Variants in CFAP46 observed in about 807,000 individuals in gnomAD.
CFAP46 encodes cilia- and flagella-associated protein 46.
A neutral mutation model predicts 325.7 loss-of-function variants in CFAP46; 245 were observed. The ratio of observed to expected loss-of-function variants is 0.75; its 90% CI spans 0.68 to 0.84. The LOEUF (loss-of-function observed/expected upper bound fraction) is 0.84, where lower values mean the gene tolerates loss of function less well. Among genes scored for constraint, CFAP46 ranks in the 40% least tolerant of loss-of-function variants. CFAP46 has a pLI of 0.00. For missense variants in CFAP46, 3,346 were observed against 3,543.0 expected, an observed-to-expected ratio of 0.94 and a Z score of 1.41; for synonymous variants, 1,523 against 1,495.9, an observed-to-expected ratio of 1.02 and a Z score of -0.42.
chr10:132,899,402 G>T, intron 23 of CFAP46, 133 bp downstream of exon 23: 1 of 1,293,876 alleles, frequency 7.7e-7, no homozygotes, highest in Non-Finnish European at 1.0e-6. Context: ...TGAACTGGCC[G>T]CACCGGCCAC....
chr10:132,900,372 C>T (rs1849376947), intron 22 of CFAP46, among the ~76,000 whole-genome samples: 1 of 152,260 alleles, frequency 6.6e-6, no homozygotes, highest in African/African-American at 2.4e-5. Context: ...GCTGCCGTGG[C>T]TGGGGCTGCA....
intron 50 of CFAP46, among the ~76,000 whole-genome samples, chr10:132,822,228 C>CTGTGTGT (rs1565036025): frequency 1.2e-4 from 10 of 85,208 alleles, no homozygotes; most frequent in Admixed American, 2.6e-4. Flanking sequence ...GTGCTGTGTG[C>CTGTGTGT]GGTGATGTGT....
At chr10:132,905,272 C>T (rs146493193) in intron 22 of CFAP46, among the ~76,000 whole-genome samples, 22 of 152,230 alleles carry the variant, frequency 1.4e-4, no homozygotes, top group Middle Eastern at 6.8e-3. Context: ...AACTGGTGTA[C>T]GCCTCTGAAC....
intron 50 of CFAP46, among the ~76,000 whole-genome samples, chr10:132,819,936 G>A (rs918617406): frequency 3.3e-5 from 5 of 152,184 alleles, no homozygotes; most frequent in East Asian, 3.8e-4. Context: ...AGGAAATAAC[G>A]TAATGCAAAA....
chr10:132,909,777 T>G, intron 20 of CFAP46, 142 bp downstream of exon 20: 1 of 754,204 alleles, frequency 1.3e-6, no homozygotes, highest in Non-Finnish European at 2.0e-6. Context: ...GTGAGCTCAG[T>G]GGGAAAAGGG....
At chr10:132,826,039 C>A (rs1285599796) in intron 50 of CFAP46, among the ~76,000 whole-genome samples, 1 of 110,956 alleles carries the variant, frequency 9.0e-6, no homozygotes, top group Non-Finnish European at 1.9e-5. Flanking sequence ...AGCCATGGAG[C>A]CAGGCAGGAG....
At position 132,810,389 on chromosome 10, in the gene CFAP46, G is replaced by A. The variant is rs761428753; in HGVS notation, c.7664+20C>T. 1.1e-5 allele frequency: 18 copies of A among 1,610,552 alleles called. No homozygotes were observed. In the Admixed American group the frequency reaches 1.3e-4, roughly 12 times the overall value. On this transcript the variant is annotated intron_variant, in intron 57 of 57. Coordinates refer to ENST00000368586, the MANE Select transcript of CFAP46 (RefSeq NM_001200049.3). ...CAGAGGGTGCTGAAGGCCGCGGGGTGCAGGCCGCCCCTCCCTTACCTTGGT... is the reference window on the plus strand; with the variant it reads ...CAGAGGGTGCTGAAGGCCGCGGGGTACAGGCCGCCCCTCCCTTACCTTGGT...
intron 27 of CFAP46, among the ~76,000 whole-genome samples, chr10:132,882,533 T>C (rs1175246943): frequency 6.6e-6 from 1 of 151,294 alleles, no homozygotes; most frequent in Non-Finnish European, 1.5e-5. Context: ...AAGCAAGCGT[T>C]TGGTTTTGGG....
chr10:132,826,588 G>C (rs370500542), intron 50 of CFAP46, among the ~76,000 whole-genome samples: 63 of 59,814 alleles, frequency 1.1e-3, no homozygotes, highest in South Asian at 2.7e-3. Context: ...CGGAGCCAGG[G>C]AGGAGCCGGA....
Position 132,857,740 on chromosome 10 carries a change from G to A in CFAP46, c.5424C>T (p.Tyr1808=). The change falls in exon 39 of 58, where the codon TAC becomes TAT. Residue 1808 remains tyrosine (Y), a synonymous_variant. Transcript: ENST00000368586. ...EKDEEQKTAY[Y]LEAYGLAQGA... Reference sequence around the variant, plus strand: ...CCTGGGCCAGGCCATACGCTTCCAAGTAATACGCAGTTTTTTGTTCTTCAT... The same window carrying A: ...CCTGGGCCAGGCCATACGCTTCCAAATAATACGCAGTTTTTTGTTCTTCAT... The A allele has an allele frequency of 6.3e-7, 1 of 1,596,728 alleles. No individual in the cohort carries two copies.
rs890800352 is a variant in CFAP46, at chr10:132,911,757, TCTG to T, written c.2499+895_2499+897del. 6.0e-4 allele frequency among the ~76,000 whole-genome samples: 92 copies of T among 152,280 alleles called. 1 individual carries two copies. Among genetic ancestry groups the T allele is most frequent in the Middle Eastern group, 3.4e-3 (1 of 294 alleles). On this transcript the variant is annotated intron_variant, in intron 19 of 57. Coordinates refer to ENST00000368586, the MANE Select transcript of CFAP46 (RefSeq NM_001200049.3). ...CACCAGGATCGTCCCACACACTGGG[TCTG>T]CTGCATTTTACTGGGACGGCTGCAT...
rs551609477 is a variant in CFAP46, at chr10:132,865,502, G to A, written c.4890+523C>T. On this transcript the variant is annotated intron_variant, in intron 35 of 57. Coordinates refer to ENST00000368586, the MANE Select transcript of CFAP46 (RefSeq NM_001200049.3). Reference sequence around the variant, plus strand: ...CTAAGACCAAACAGGTGCAGCGCCCGCCGGGGAGACGGGGCCTCAGCAAAC... The same window carrying A: ...CTAAGACCAAACAGGTGCAGCGCCCACCGGGGAGACGGGGCCTCAGCAAAC... Among the ~76,000 whole-genome samples, 7 of 152,338 alleles carry A rather than the reference G, an allele frequency of 4.6e-5. No homozygotes were observed. In the East Asian group the frequency reaches 7.7e-4, roughly 17 times the overall value.
chr10:132,833,107 C>T (rs899323047), intron 50 of CFAP46, among the ~76,000 whole-genome samples: 4 of 151,896 alleles, frequency 2.6e-5, no homozygotes, highest in African/African-American at 9.7e-5. Context: ...CCTGAGTAGC[C>T]AGGACCACAG....
At chr10:132,931,019 A>C (rs1374591272) in intron 8 of CFAP46, among the ~76,000 whole-genome samples, 8 of 61,106 alleles carry the variant, frequency 1.3e-4, no homozygotes, top group African/African-American at 2.0e-4. Flanking sequence ...CTCCTCCACA[A>C]ACAAAACCTG....
intron 39 of CFAP46, among the ~76,000 whole-genome samples, chr10:132,852,978 C>G (rs148495376): frequency 6.6e-6 from 1 of 152,328 alleles, no homozygotes; most frequent in African/African-American, 2.4e-5. Flanking sequence ...TGTATGCAGA[C>G]AACTATGTTA....
chr10:132,833,436 C>G lies in CFAP46; in HGVS notation c.7039G>C (p.Asp2347His). The change falls in exon 50 of 58, where the codon GAT becomes CAT. Residue 2347 changes from aspartate to histidine, a missense_variant. Coordinates refer to ENST00000368586, the MANE Select transcript of CFAP46 (RefSeq NM_001200049.3). ...GACACAGAGGAAATTGTCCCTTCAT[C>G]GAACACAGAGAGACCTTCCAGTGGC... ...ELPLEGLSVFDEGTISSVSRE... is the reference protein window; with the variant it reads ...ELPLEGLSVFHEGTISSVSRE... 1 of 1,614,190 alleles carries G rather than the reference C, an allele frequency of 6.2e-7. No homozygotes were observed.
At position 132,929,779 on chromosome 10, in the gene CFAP46, G is replaced by A. The variant is rs141623050; in HGVS notation, c.892C>T (p.Arg298Cys). ...ATGCATTTCAAGGTCAAGGAAAAAC[G>A]CGCCAATTCAAAAAGCAAAAGCATT... ...EKMLLLFELARFSLTLKCMEI... is the reference protein window; with the variant it reads ...EKMLLLFELACFSLTLKCMEI... Residue 298 changes from arginine to cysteine, a missense_variant, in exon 9 of 58, where the codon CGT becomes TGT. Physicochemically the swap from Arg to Cys is radical, Grantham distance 180. Coordinates refer to ENST00000368586, the MANE Select transcript of CFAP46 (RefSeq NM_001200049.3). 5.2e-5 allele frequency: 83 copies of A among 1,609,246 alleles called. No homozygotes were observed. The highest frequency in any genetic ancestry group is 1.7e-4 in the African/African-American group (13 of 74,778).
At position 132,877,552 on chromosome 10, in the gene CFAP46, G is replaced by A. The variant is rs962939241; in HGVS notation, c.4212+329C>T. On this transcript the variant is annotated intron_variant, in intron 30 of 57. Transcript: ENST00000368586. This position sits in a 1 kb window ranked among gnomAD's most constrained non-coding sequence, Gnocchi z 5.7. ...GGACAACGTGCTCTGTGCAAACTGC[G>A]TGCATTACGTGGCTAGCTCCAGGCC... is the stretch of plus-strand genomic sequence containing the variant. Among the ~76,000 whole-genome samples the A allele has an allele frequency of 6.6e-6, 1 of 152,240 alleles. No homozygotes were observed. The highest frequency in any genetic ancestry group is 1.5e-5 in the Non-Finnish European group (1 of 68,034).
rs1364489535 is a variant in CFAP46 at position 132,877,121 on chromosome 10, G to C, written c.4213-160C>G. Among the ~76,000 whole-genome samples, 1 of 152,226 alleles carries C rather than the reference G, an allele frequency of 6.6e-6. No individual in the cohort carries two copies. Among genetic ancestry groups the C allele is most frequent in the Non-Finnish European group, 1.5e-5 (1 of 68,048 alleles). The stretch of plus-strand genomic sequence containing the variant: ...CAGCGAGTGCCCAGATCCAGCCTCT[G>C]ATACTGTTTCCAGGCAGTGCACGCA... On this transcript the variant is annotated intron_variant, in intron 30 of 57. Coordinates refer to ENST00000368586, the MANE Select transcript of CFAP46 (RefSeq NM_001200049.3). This position sits in a 1 kb window ranked among gnomAD's most constrained non-coding sequence, Gnocchi z 5.7.
Sources: gnomAD v4.1 joint callset for allele counts (sites outside exome capture counted in the v4.1 genomes callset) on GRCh38, gnomAD v4.1.1 for gene constraint, Gnocchi (gnomAD v3.1) non-coding constraint, MANE v1.5 for transcripts, NCBI Gene and HGNC (gene_info 2026-07-23, HGNC 2026-07-21) for gene names.